CTBS: variants seen among roughly 807,000 people sequenced by gnomAD.
CTBS encodes the protein chitobiase.
A neutral mutation model predicts 44.3 loss-of-function variants in CTBS; 35 were observed. The observed-to-expected ratio is 0.79, with a 90% CI of 0.60 to 1.05. The LOEUF (loss-of-function observed/expected upper bound fraction) is 1.05. CTBS is among the 50% of genes least tolerant of loss of function. The pLI, the probability that CTBS is intolerant of heterozygous loss-of-function variation, is 0.00. For synonymous variants in CTBS, 143 were observed against 168.0 expected (o/e 0.85, Z 1.15); for missense variants, 458 against 475.3 (o/e 0.96, Z 0.34).
rs1366895703 is a variant in CTBS, at chr1:84,563,818, T to C, written c.712A>G (p.Ile238Val). 6.2e-7 allele frequency: 1 copy of C among 1,607,136 alleles called. No homozygotes were observed. The highest frequency in any genetic ancestry group is 8.5e-7 in the Non-Finnish European group (1 of 1,176,084). ...NQTLTGYNDY[I>V]KMSINPKKLV... Reference sequence around the variant, plus strand: ...TTCTTAGGATTAATGCTCATCTTGATGTAGTCATTATATCCTAGTCAAGCA... The same window carrying C: ...TTCTTAGGATTAATGCTCATCTTGACGTAGTCATTATATCCTAGTCAAGCA... The change falls in exon 5 of 7, where the codon ATC becomes GTC. Residue 238 changes from isoleucine (I) to valine (V), a missense_variant. Coordinates refer to ENST00000370630, the MANE Select transcript of CTBS (RefSeq NM_004388.3).
chr1:84,567,685 C>CT lies in CTBS; in HGVS notation c.526-1674dup, dbSNP rs774660837. The stretch of plus-strand genomic sequence containing the variant: ...AAACTCATTCCCCCCTCTAGATTAT[C>CT]TAGTCATTTTTTGTTGGTTACCAGT... On this transcript the variant is annotated intron_variant, in intron 3 of 6. Transcript: ENST00000370630. 1.4e-4 allele frequency among the ~76,000 whole-genome samples: 21 copies of CT among 152,278 alleles called. No homozygotes were observed. In the East Asian group the frequency reaches 2.5e-3, roughly 18 times the overall value.
chr1:84,563,459 T>G, intron 5 of CTBS, 41 bp from the exon 6 acceptor site: 1 of 1,381,158 alleles, frequency 7.2e-7, no homozygotes, highest in Non-Finnish European at 9.5e-7. Context: ...TTATCAATTA[T>G]GCAATTCTTA....
At chr1:84,560,890 T>C (rs1262324830) in intron 6 of CTBS, among the ~76,000 whole-genome samples, 1 of 152,194 alleles carries the variant, frequency 6.6e-6, no homozygotes, top group Non-Finnish European at 1.5e-5. Flanking sequence ...AAAAAAGAGA[T>C]TTCTTTCAAA....
chr1:84,557,533 CAAA>C (rs56101174), intron 6 of CTBS, among the ~76,000 whole-genome samples: 13,881 of 54,662 alleles, frequency 0.25, 918 homozygotes, highest in South Asian at 0.37. Context: ...AACTCCATCT[CAAA>C]AAAAAAAAAA....
At chr1:84,568,999 T>C (rs902294082) in intron 3 of CTBS, among the ~76,000 whole-genome samples, 1 of 152,204 alleles carries the variant, frequency 6.6e-6, no homozygotes, top group Non-Finnish European at 1.5e-5. Context: ...TTTATAGCAA[T>C]GTGAGAACAA....
In CTBS at chr1:84,554,359, T is replaced by A. The variant is rs945036463; in HGVS notation, c.*640A>T. 6.6e-6 allele frequency: 1 copy of A among 152,218 alleles called. No individual in the cohort carries two copies. The highest frequency in any genetic ancestry group is 2.4e-5 in the African/African-American group (1 of 41,464). The allele number at this position is 152,218 out of a possible 1,614,324, so 9.4% of individuals were successfully genotyped here. On this transcript the variant is annotated 3_prime_UTR_variant, in exon 7 of 7. Coordinates refer to ENST00000370630, the MANE Select transcript of CTBS (RefSeq NM_004388.3). Reference sequence around the variant, plus strand: ...AGTTCTAACTTACCAATTCAAAATATTACTGTTACATTCTTCTATTTTGTG... The same window carrying A: ...AGTTCTAACTTACCAATTCAAAATAATACTGTTACATTCTTCTATTTTGTG...
chr1:84,559,877 G>A (rs1343236159), intron 6 of CTBS, among the ~76,000 whole-genome samples: 1 of 151,868 alleles, frequency 6.6e-6, no homozygotes, highest in Non-Finnish European at 1.5e-5. Flanking sequence ...TTGAGGTCAG[G>A]AGTTTGAGAC....
chr1:84,557,533 CAAAAAAAAAAAAAAA>C (rs56101174), intron 6 of CTBS, among the ~76,000 whole-genome samples: 1 of 55,438 alleles, frequency 1.8e-5, no homozygotes, highest in Non-Finnish European at 3.5e-5. Context: ...AACTCCATCT[CAAAAAAAAAAAAAAA>C]AAAAAGAAAA....
intron 1 of CTBS, among the ~76,000 whole-genome samples, chr1:84,572,533 A>G (rs1647343246): frequency 6.6e-6 from 1 of 152,132 alleles, no homozygotes; most frequent in Non-Finnish European, 1.5e-5. Context: ...AAACGCCAGT[A>G]GAGAAAAAGA....
In CTBS at chr1:84,551,541, T is replaced by C. The variant is rs368889753; in HGVS notation, c.*3458A>G. ...TGACTGAGGAACTGAATTTTAAATTTTATTTAATTTTAGTTAATTTAAGTT... is the reference window on the plus strand; with the variant it reads ...TGACTGAGGAACTGAATTTTAAATTCTATTTAATTTTAGTTAATTTAAGTT... On this transcript the variant is annotated 3_prime_UTR_variant, in exon 7 of 7. Coordinates refer to ENST00000370630, the MANE Select transcript of CTBS (RefSeq NM_004388.3). 3.9e-5 allele frequency: 6 copies of C among 154,738 alleles called. No individual in the cohort carries two copies. Among genetic ancestry groups the C allele is most frequent in the Non-Finnish European group, 7.1e-5 (5 of 70,426 alleles). 9.6% of individuals were successfully genotyped at this position (154,738 alleles called of 1,614,324 possible). A position where few individuals can be genotyped will look rare whatever the true frequency, so the allele number is the denominator to read the frequency against.
At chr1:84,573,632 C>A (rs926203678) in intron 1 of CTBS, among the ~76,000 whole-genome samples, 5 of 152,162 alleles carry the variant, frequency 3.3e-5, no homozygotes, top group Admixed American at 3.3e-4. Context: ...TGCTTTCAGT[C>A]ATCGAAGTGG....
intron 4 of CTBS, among the ~76,000 whole-genome samples, chr1:84,564,342 C>A (rs887169711): frequency 6.6e-6 from 1 of 152,102 alleles, no homozygotes; most frequent in Non-Finnish European, 1.5e-5. Flanking sequence ...ATGAACAAAT[C>A]CCTGGAACTA....
rs760513098 is a variant in CTBS, at chr1:84,554,980, ATGGTT to A, written c.*14_*18del. On this transcript the variant is annotated 3_prime_UTR_variant, in exon 7 of 7. Coordinates refer to ENST00000370630, the MANE Select transcript of CTBS (RefSeq NM_004388.3). Reference sequence around the variant, plus strand: ...ATACAGATCATCTTTCTAACTCTTAATGGTTTGACAAAAGATGTTCATCTCTGTAA... The same window carrying A: ...ATACAGATCATCTTTCTAACTCTTAATGACAAAAGATGTTCATCTCTGTAA... 1 of 1,602,026 alleles carries A rather than the reference ATGGTT, an allele frequency of 6.2e-7. No individual in the cohort carries two copies. Among genetic ancestry groups the A allele is most frequent in the South Asian group, 1.1e-5 (1 of 90,680 alleles).
chr1:84,565,911 A>G lies in CTBS; in HGVS notation c.627T>C (p.Tyr209=), dbSNP rs773373898. The G allele has an allele frequency of 2.1e-5, 34 of 1,601,736 alleles. No individual in the cohort carries two copies. Among genetic ancestry groups the G allele is most frequent in the Non-Finnish European group, 2.6e-5 (31 of 1,174,600 alleles). The change falls in exon 4 of 7, where the codon TAT becomes TAC. Residue 209 remains tyrosine (Y), a synonymous_variant. Transcript: ENST00000370630. ...CTGACCAGATCTGACTTTGTTCATC[A>G]TAAGACATCACAAAGAGGAAGTCAC... ...DACDFLFVMS[Y]DEQSQIWSEC... is the part of the protein sequence containing the mutation.
At position 84,553,906 on chromosome 1, in the gene CTBS, C is replaced by CT. The variant is rs1488003925; in HGVS notation, c.*1092dup. 2 of 152,138 alleles carry CT rather than the reference C, an allele frequency of 1.3e-5. No individual in the cohort carries two copies. Among genetic ancestry groups the CT allele is most frequent in the African/African-American group, 4.8e-5 (2 of 41,428 alleles). The allele number at this position is 152,138 out of a possible 1,614,324, so 9.4% of individuals were successfully genotyped here. On this transcript the variant is annotated 3_prime_UTR_variant, in exon 7 of 7. Coordinates refer to ENST00000370630, the MANE Select transcript of CTBS (RefSeq NM_004388.3). ...TAATTCCCTGGAGAAAGAAAACAGA[C>CT]TTTATTACATTTAGAAAACTTATTT...
chr1:84,572,507 G>A (rs377196145), intron 1 of CTBS, among the ~76,000 whole-genome samples: 17 of 150,666 alleles, frequency 1.1e-4, no homozygotes, highest in Admixed American at 6.6e-4. Context: ...TAGTTTTTGT[G>A]TTTGAAAAAC....
At chr1:84,566,133 A>G (rs1239571218) in intron 3 of CTBS, 121 bp from the exon 4 acceptor site, 3 of 480,370 alleles carry the variant, frequency 6.2e-6, no homozygotes, top group Non-Finnish European at 1.0e-5. Flanking sequence ...TGCTTACAGT[A>G]TATGAATGTA....
At position 84,550,372 on chromosome 1, in the gene CTBS, G is replaced by T; in HGVS notation, c.*4627C>A. The T allele has an allele frequency of 1.3e-6, 1 of 750,940 alleles. No homozygotes were observed. Among genetic ancestry groups the T allele is most frequent in the Non-Finnish European group, 2.0e-6 (1 of 505,908 alleles). The allele number at this position is 750,940 out of a possible 1,614,324, so 46.5% of individuals were successfully genotyped here. A position where few individuals can be genotyped will look rare whatever the true frequency, so the allele number is the denominator to read the frequency against. On this transcript the variant is annotated 3_prime_UTR_variant, in exon 7 of 7. Coordinates refer to ENST00000370630, the MANE Select transcript of CTBS (RefSeq NM_004388.3). ...TCATTTCATAGTTTATGTTCACAAG[G>T]CAGTTAAAAATAAAAATGTTTATAT... is the stretch of plus-strand genomic sequence containing the variant.
At chr1:84,572,815 ATTACAT>A (rs1402994146) in intron 1 of CTBS, among the ~76,000 whole-genome samples, 2 of 151,918 alleles carry the variant, frequency 1.3e-5, no homozygotes, top group African/African-American at 4.8e-5. Context: ...AGTAGTTCGG[ATTACAT>A]GTGCCCGCCA....
Sources: allele counts gnomAD v4.1 joint callset (sites outside exome capture counted in the v4.1 genomes callset), GRCh38; gene constraint gnomAD v4.1.1; transcripts MANE v1.5; gene names NCBI Gene and HGNC (gene_info 2026-07-23, HGNC 2026-07-21).